HEXB: variants seen among roughly 807,000 people sequenced by gnomAD.
The protein encoded by HEXB is beta-hexosaminidase subunit beta.
HEXB carries 51 observed loss-of-function variants against 71.2 expected under a neutral mutation model. The observed-to-expected ratio is 0.72, with a 90% CI of 0.57 to 0.90. The LOEUF (loss-of-function observed/expected upper bound fraction) is 0.90. HEXB is among the 40% of genes least tolerant of loss of function. The pLI, the probability that HEXB is intolerant of heterozygous loss-of-function variation, is 0.00. For missense variants in HEXB, 617 were observed against 677.0 expected, an observed-to-expected ratio of 0.91 and a Z score of 0.98; for synonymous variants, 266 against 249.3, an observed-to-expected ratio of 1.07 and a Z score of -0.63.
At position 74,720,421 on chromosome 5, in the gene HEXB, A is replaced by T. The variant is rs768614037; in HGVS notation, c.1418-7A>T. 3.8e-6 allele frequency: 6 copies of T among 1,580,986 alleles called. No homozygotes were observed. The highest frequency in any genetic ancestry group is 4.3e-6 in the Non-Finnish European group (5 of 1,149,884). ...CTTCTGAACTTAATTCAATGATTTT[A>T]ATTTAGGTACTCAGAAACAGAAACA... On this transcript the variant is annotated splice_polypyrimidine_tract_variant and splice_region_variant and intron_variant, in intron 11 of 13. Coordinates refer to ENST00000261416, the MANE Select transcript of HEXB (RefSeq NM_000521.4).
chr5:74,655,622 A>C (rs776184171), intron 1 of HEXB, among the ~76,000 whole-genome samples: 2 of 152,142 alleles, frequency 1.3e-5, no homozygotes, highest in African/African-American at 2.4e-5. Flanking sequence ...GCCATGAGCC[A>C]CCGCTCCTGG....
rs533109153 is a variant in HEXB, at chr5:74,669,031, G to A, written c.-376-20297G>A. 1.2e-3 allele frequency among the ~76,000 whole-genome samples: 179 copies of A among 151,888 alleles called. 2 individuals are homozygous for A. The highest frequency in any genetic ancestry group is 1.5e-3 in the Non-Finnish European group (102 of 67,966). ...GGCTGGAGTTCAACAGCACAATCTCGGCTCACCACAACCTCTGCCTCCCGG... is the reference window on the plus strand; with the variant it reads ...GGCTGGAGTTCAACAGCACAATCTCAGCTCACCACAACCTCTGCCTCCCGG... On this transcript the variant is annotated intron_variant, in intron 1 of 13. Coordinates refer to the HEXB transcript ENST00000511181.
At chr5:74,682,376 CA>C (rs919157280), upstream of HEXB, among the ~76,000 whole-genome samples, 3 of 151,876 alleles carry the variant, frequency 2.0e-5, no homozygotes, top group Non-Finnish European at 4.4e-5. Context: ...CAAAACAAAA[CA>C]AAAAAAAGAA....
At chr5:74,679,073 A>G (rs1471598238) in intron 1 of HEXB, among the ~76,000 whole-genome samples, 5 of 152,248 alleles carry the variant, frequency 3.3e-5, no homozygotes, top group Admixed American at 2.6e-4. Flanking sequence ...ATTGAATTGT[A>G]CATATCTTAA....
chr5:74,647,062 A>G (rs1227036662), intron 1 of HEXB, among the ~76,000 whole-genome samples: 3 of 152,184 alleles, frequency 2.0e-5, no homozygotes, highest in African/African-American at 4.8e-5. Context: ...GTGCTTGGTA[A>G]AAGCTCACTC....
intron 5 of HEXB, among the ~76,000 whole-genome samples, chr5:74,699,045 C>T (rs1368136532): frequency 1.3e-5 from 2 of 151,702 alleles, no homozygotes; most frequent in Admixed American, 6.6e-5. Context: ...ATTAGCCAGG[C>T]GTGGTGGTGC....
At chr5:74,657,495 C>T (rs564794760) in intron 1 of HEXB, among the ~76,000 whole-genome samples, 2 of 152,200 alleles carry the variant, frequency 1.3e-5, no homozygotes, top group Non-Finnish European at 2.9e-5. Context: ...GATTTTCCTT[C>T]GGAGCACTTA....
rs2936915 is a variant in HEXB at position 74,664,431 on chromosome 5, A to T, written c.-377+23873A>T. On this transcript the variant is annotated intron_variant, in intron 1 of 13. Coordinates refer to the HEXB transcript ENST00000511181. ...GGCAATAGAGCAAGATTCTATCTCT[A>T]AAAAAAAAAAAAAAAAAAAAAACAG... Among the ~76,000 whole-genome samples the T allele has an allele frequency of 7.3e-3, 142 of 19,336 alleles. 5 individuals carry two copies. Among genetic ancestry groups the T allele is most frequent in the Admixed American group, 0.012 (25 of 2,098 alleles). 12.7% of individuals were successfully genotyped at this position (19,336 alleles called of 152,430 possible). A position where few individuals can be genotyped will look rare whatever the true frequency, so the allele number is the denominator to read the frequency against.
At chr5:74,696,441 A>G (rs1177271675) in intron 3 of HEXB, among the ~76,000 whole-genome samples, 1 of 152,140 alleles carries the variant, frequency 6.6e-6, no homozygotes, top group Non-Finnish European at 1.5e-5. Flanking sequence ...CCCCCAGGGT[A>G]TGGGTACAAT....
chr5:74,690,987 T>C (rs759833799), intron 2 of HEXB, among the ~76,000 whole-genome samples: 4 of 152,188 alleles, frequency 2.6e-5, no homozygotes, highest in Admixed American at 1.3e-4. Context: ...TGCCAAGGAA[T>C]CTTTGCTGTC....
intron 1 of HEXB, among the ~76,000 whole-genome samples, chr5:74,667,355 G>C (rs907181082): frequency 6.6e-6 from 1 of 151,996 alleles, no homozygotes; most frequent in Non-Finnish European, 1.5e-5. Flanking sequence ...GGAGGCAGAG[G>C]TTGTGGTAAG....
At chr5:74,680,768 G>T (rs1046460914), upstream of HEXB, among the ~76,000 whole-genome samples, 5 of 152,222 alleles carry the variant, frequency 3.3e-5, no homozygotes, top group Admixed American at 6.5e-5. Flanking sequence ...GGAGAAACTT[G>T]ATTCAGATTC....
chr5:74,713,607 C>T lies in HEXB; in HGVS notation c.873C>T (p.Thr291=), dbSNP rs778593630. The T allele has an allele frequency of 3.1e-6, 5 of 1,612,944 alleles. No individual in the cohort carries two copies. The highest frequency in any genetic ancestry group is 1.1e-5 in the South Asian group (1 of 91,062). Residue 291 remains threonine (T), a synonymous_variant, in exon 7 of 14, where the codon ACC becomes ACT. Coordinates refer to ENST00000261416, the MANE Select transcript of HEXB (RefSeq NM_000521.4). Reference sequence around the variant, plus strand: ...TTCGAGTCCTGCCAGAATTTGATACCCCTGGGCATACACTATCTTGGGGAA... The same window carrying T: ...TTCGAGTCCTGCCAGAATTTGATACTCCTGGGCATACACTATCTTGGGGAA... The part of the protein sequence containing the change: ...RGIRVLPEFD[T]PGHTLSWGKG...
intron 1 of HEXB, among the ~76,000 whole-genome samples, chr5:74,669,566 T>C (rs1748495366): frequency 6.6e-6 from 1 of 152,194 alleles, no homozygotes; most frequent in African/African-American, 2.4e-5. Context: ...TCCTCCAGCA[T>C]AAATTAAATT....
intron 5 of HEXB, among the ~76,000 whole-genome samples, chr5:74,702,077 T>C (rs1749275525): frequency 1.6e-5 from 2 of 126,160 alleles, no homozygotes; most frequent in African/African-American, 3.0e-5. Context: ...CTTTTTTTTT[T>C]TTTTTTTTTT....
intron 1 of HEXB, among the ~76,000 whole-genome samples, chr5:74,654,282 C>G (rs1438754715): frequency 6.6e-6 from 1 of 152,156 alleles, no homozygotes; most frequent in Non-Finnish European, 1.5e-5. Flanking sequence ...ACTGCAGATT[C>G]TGATTCAAGA....
At chr5:74,644,411 C>T (rs1364267781) in intron 1 of HEXB, among the ~76,000 whole-genome samples, 1 of 152,120 alleles carries the variant, frequency 6.6e-6, no homozygotes, top group Non-Finnish European at 1.5e-5. Flanking sequence ...CCTCCATTCC[C>T]AAAGGAGGAT....
At chr5:74,715,405 A>G (rs1219616178) in intron 7 of HEXB, 105 bp from the exon 8 acceptor site, 1 of 799,496 alleles carries the variant, frequency 1.3e-6, no homozygotes, top group Non-Finnish European at 2.1e-6. Context: ...TTTTGTGTAT[A>G]AAATCTTGTA....
At chr5:74,685,102 G>T (rs946494076), upstream of HEXB, 3 of 764,040 alleles carry the variant, frequency 3.9e-6, no homozygotes, top group African/African-American at 5.8e-5. Context: ...GCTGGGCGAG[G>T]ACGCTCCCGG....
Sources: gnomAD v4.1 joint callset for allele counts (sites outside exome capture counted in the v4.1 genomes callset) on GRCh38, gnomAD v4.1.1 for gene constraint, MANE v1.5 for transcripts, NCBI Gene and HGNC (gene_info 2026-07-23, HGNC 2026-07-21) for gene names.